The following ROBO2 variants were observed in gnomAD, a reference collection of about 807,000 sequenced individuals.
ROBO2 encodes roundabout guidance receptor 2, also known as roundabout homolog 2.
Under a neutral mutation model 160.8 loss-of-function variants are expected in ROBO2, and 53 were observed. The ratio of observed to expected loss-of-function variants is 0.33; its 90% CI spans 0.26 to 0.41. The LOEUF (loss-of-function observed/expected upper bound fraction) is 0.41, where lower values mean the gene tolerates loss of function less well. ROBO2 is among the 10% of genes least tolerant of loss of function. The pLI is 1.00. For missense variants in ROBO2, 1,577 were observed against 1,722.4 expected (o/e 0.92, Z 1.49); for synonymous variants, 664 against 611.7 (o/e 1.09, Z -1.26).
intron 2 of ROBO2, among the ~76,000 whole-genome samples, chr3:77,324,163 G>A (rs1436993619): frequency 6.6e-6 from 1 of 152,154 alleles, no homozygotes; most frequent in Non-Finnish European, 1.5e-5. Context: ...CATGATAAAA[G>A]TCACAGGGGA....
chr3:77,387,209 G>T (rs2074221134), intron 2 of ROBO2, among the ~76,000 whole-genome samples: 1 of 151,476 alleles, frequency 6.6e-6, no homozygotes, highest in Non-Finnish European at 1.5e-5. Flanking sequence ...GATTTAGAAT[G>T]CTAATGAGCG....
At chr3:76,001,195 GAATC>G (rs1448381870) in intron 2 of ROBO2, among the ~76,000 whole-genome samples, 1 of 152,140 alleles carries the variant, frequency 6.6e-6, no homozygotes, top group Non-Finnish European at 1.5e-5. Context: ...AGCACAACTT[GAATC>G]AATCATCTCC....
intron 2 of ROBO2, among the ~76,000 whole-genome samples, chr3:77,117,516 G>C (rs2074327603): frequency 6.6e-6 from 1 of 152,030 alleles, no homozygotes; most frequent in African/African-American, 2.4e-5. Context: ...ACACAGAAAT[G>C]TATTCTATTC....
chr3:75,962,786 C>T (rs928789203), intron 2 of ROBO2, among the ~76,000 whole-genome samples: 27 of 151,634 alleles, frequency 1.8e-4, no homozygotes, highest in Admixed American at 3.9e-4. Flanking sequence ...TGTGAAAATA[C>T]GTGTGCTTTT....
chr3:76,563,097 A>G (rs550051128), intron 2 of ROBO2, among the ~76,000 whole-genome samples: 2 of 152,080 alleles, frequency 1.3e-5, no homozygotes, highest in African/African-American at 4.8e-5. Flanking sequence ...CCTTTCTCAA[A>G]CTGAAGGATT....
chr3:76,962,592 C>T lies in ROBO2; in HGVS notation c.110-135422C>T, dbSNP rs533831346. 1.5e-3 allele frequency among the ~76,000 whole-genome samples: 213 copies of T among 144,826 alleles called. 2 individuals are homozygous for T. Among genetic ancestry groups the T allele is most frequent in the African/African-American group, 5.3e-3 (207 of 39,188 alleles). On this transcript the variant is annotated intron_variant, in intron 2 of 26. Transcript: ENST00000487694. ...GGCGGAGGTTGTGGTGAGCCAAGAT[C>T]GTGCCATTGCACTCTAGCCTGGGCA...
Position 75,985,693 on chromosome 3 carries a change from A to G in ROBO2, c.109+48091A>G, listed in dbSNP as rs145831899. ...TCTCCAGAGCTCTTTAGTCTTGTGA[A>G]ACTGAAGCTGTCGACCCATTAATCA... On this transcript the variant is annotated intron_variant, in intron 2 of 26. Coordinates refer to the ROBO2 transcript ENST00000487694. 4.0e-3 allele frequency among the ~76,000 whole-genome samples: 605 copies of G among 151,694 alleles called. 2 individuals are homozygous for G. Among genetic ancestry groups the G allele is most frequent in the Non-Finnish European group, 7.4e-3 (500 of 67,598 alleles).
chr3:75,950,306 C>T (rs1948485995), intron 2 of ROBO2, among the ~76,000 whole-genome samples: 1 of 152,038 alleles, frequency 6.6e-6, no homozygotes, highest in African/African-American at 2.4e-5. Flanking sequence ...ATTCCCAAAT[C>T]TCAACAAAGT....
chr3:77,575,080 ACTC>A (rs2093727373), intron 14 of ROBO2, among the ~76,000 whole-genome samples: 1 of 151,802 alleles, frequency 6.6e-6, no homozygotes, highest in Non-Finnish European at 1.5e-5. Context: ...CATTGTGACT[ACTC>A]TTCTTTTGTT....
chr3:77,127,608 T>G (rs1262697013), intron 2 of ROBO2, among the ~76,000 whole-genome samples: 1 of 152,210 alleles, frequency 6.6e-6, no homozygotes, highest in African/African-American at 2.4e-5. Context: ...CAGTTAAATA[T>G]CTATTGGGTA....
At chr3:76,796,713 A>C (rs1251571187) in intron 2 of ROBO2, among the ~76,000 whole-genome samples, 1 of 152,118 alleles carries the variant, frequency 6.6e-6, no homozygotes, top group Admixed American at 6.5e-5. Context: ...AATACACTTC[A>C]CCTATAGAGA....
intron 12 of ROBO2, among the ~76,000 whole-genome samples, chr3:77,565,799 TAC>T (rs1276517503): frequency 3.9e-5 from 6 of 152,072 alleles, no homozygotes; most frequent in African/African-American, 9.7e-5. Flanking sequence ...TAATGTAAAA[TAC>T]ACACAGAGTA....
intron 2 of ROBO2, among the ~76,000 whole-genome samples, chr3:77,412,957 C>T (rs1467672908): frequency 6.6e-6 from 1 of 152,138 alleles, no homozygotes. Flanking sequence ...TGGCTCATGC[C>T]TGTAATCCCA....
intron 2 of ROBO2, among the ~76,000 whole-genome samples, chr3:76,823,272 G>A (rs1382937094): frequency 6.6e-6 from 1 of 152,052 alleles, no homozygotes; most frequent in Non-Finnish European, 1.5e-5. Context: ...CCCACACAAT[G>A]AATCAACCAT....
At chr3:76,989,534 T>C (rs1488344361) in intron 2 of ROBO2, among the ~76,000 whole-genome samples, 1 of 152,008 alleles carries the variant, frequency 6.6e-6, no homozygotes, top group African/African-American at 2.4e-5. Flanking sequence ...ACATTTGAGA[T>C]GAAATATTTG....
intron 2 of ROBO2, among the ~76,000 whole-genome samples, chr3:76,280,979 C>A (rs1318516807): frequency 2.0e-5 from 3 of 151,940 alleles, no homozygotes; most frequent in Non-Finnish European, 1.5e-5. Context: ...GGAAGTCTCA[C>A]CGTTTGTGCT....
At chr3:76,223,698 G>A (rs1345097289) in intron 2 of ROBO2, among the ~76,000 whole-genome samples, 2 of 152,084 alleles carry the variant, frequency 1.3e-5, no homozygotes, top group East Asian at 1.9e-4. Flanking sequence ...AGCAATATCA[G>A]CCCTTCCGCT....
At chr3:76,527,777 G>A (rs925503846) in intron 2 of ROBO2, among the ~76,000 whole-genome samples, 1 of 152,096 alleles carries the variant, frequency 6.6e-6, no homozygotes, top group African/African-American at 2.4e-5. Context: ...AGAAAACAGA[G>A]TAACAGGTGA....
intron 2 of ROBO2, among the ~76,000 whole-genome samples, chr3:76,710,060 A>G (rs1267023250): frequency 6.6e-6 from 1 of 152,060 alleles, no homozygotes; most frequent in Non-Finnish European, 1.5e-5. Context: ...ACATGGAGAG[A>G]GAGGACTAAG....
Sources: allele counts gnomAD v4.1 joint callset (sites outside exome capture counted in the v4.1 genomes callset), GRCh38; gene constraint gnomAD v4.1.1; transcripts MANE v1.5; gene names NCBI Gene and HGNC (gene_info 2026-07-23, HGNC 2026-07-21).